MYO5B: variants seen among roughly 807,000 people sequenced by gnomAD.
MYO5B encodes myosin VB.
MYO5B carries 143 observed loss-of-function variants against 229.3 expected under a neutral mutation model. The observed-to-expected ratio is 0.62, with a 90% confidence interval of 0.54 to 0.72. The LOEUF (loss-of-function observed/expected upper bound fraction) is 0.72, where lower values mean the gene tolerates loss of function less well. MYO5B is among the 30% of genes least tolerant of loss of function. MYO5B has a pLI of 0.00. For missense variants in MYO5B, 2,321 were observed against 2,331.0 expected (o/e 1.00, Z 0.09); for synonymous variants, 918 against 885.2 (o/e 1.04, Z -0.66).
At chr18:49,917,393 T>G (rs559202795) in intron 17 of MYO5B, among the ~76,000 whole-genome samples, 65 of 151,892 alleles carry the variant, frequency 4.3e-4, no homozygotes, top group Non-Finnish European at 9.0e-4. Context: ...CCTAACACCA[T>G]GCAGCATCTT....
At chr18:49,909,826 C>T (rs1371522520) in intron 18 of MYO5B, among the ~76,000 whole-genome samples, 1 of 152,142 alleles carries the variant, frequency 6.6e-6, no homozygotes, top group Non-Finnish European at 1.5e-5. Context: ...AAAAGCATTG[C>T]AGGCAGAGGA....
At chr18:50,032,880 G>A (rs866021830) in intron 4 of MYO5B, among the ~76,000 whole-genome samples, 5 of 152,012 alleles carry the variant, frequency 3.3e-5, no homozygotes, top group South Asian at 2.1e-4. Flanking sequence ...CTAGTTACTC[G>A]GGAGGCTGAG....
intron 7 of MYO5B, among the ~76,000 whole-genome samples, chr18:49,986,525 G>A (rs796159613): frequency 1.6e-4 from 25 of 152,308 alleles, no homozygotes; most frequent in African/African-American, 5.5e-4. Flanking sequence ...AGTGGCCAAG[G>A]CACTTGAACT....
chr18:49,991,758 G>T (rs1165106264), intron 6 of MYO5B, among the ~76,000 whole-genome samples: 2 of 152,140 alleles, frequency 1.3e-5, no homozygotes, highest in African/African-American at 4.8e-5. Flanking sequence ...AACCACCATG[G>T]CATGTGTATA....
At chr18:49,866,736 T>G (rs1026777930) in intron 27 of MYO5B, among the ~76,000 whole-genome samples, 17 of 152,230 alleles carry the variant, frequency 1.1e-4, no homozygotes, top group African/African-American at 3.6e-4. Context: ...TGCTAGGTGC[T>G]GCAGGCACAA....
intron 4 of MYO5B, among the ~76,000 whole-genome samples, chr18:50,016,657 C>T (rs376829797): frequency 3.8e-4 from 58 of 152,160 alleles, no homozygotes; most frequent in African/African-American, 1.4e-3. Context: ...ATGGTGACAT[C>T]TGAGATGTAA....
intron 4 of MYO5B, among the ~76,000 whole-genome samples, chr18:50,005,179 T>C (rs569906669): frequency 2.6e-5 from 4 of 152,334 alleles, no homozygotes; most frequent in Non-Finnish European, 4.4e-5. Context: ...GCTTATCAAA[T>C]CAAGTCTAAG....
At chr18:50,012,454 T>A (rs139423329) in intron 4 of MYO5B, among the ~76,000 whole-genome samples, 109 of 152,348 alleles carry the variant, frequency 7.2e-4, no homozygotes, top group African/African-American at 2.5e-3. Context: ...AGCTATTCGC[T>A]TATGATAAAT....
chr18:50,076,511 C>T (rs1348305792), intron 1 of MYO5B, among the ~76,000 whole-genome samples: 8 of 152,160 alleles, frequency 5.3e-5, no homozygotes, highest in Non-Finnish European at 7.3e-5. Flanking sequence ...TTTCAGAGCA[C>T]GGAATATGTC....
At chr18:49,891,777 G>T (rs143093786) in intron 22 of MYO5B, among the ~76,000 whole-genome samples, 3 of 152,314 alleles carry the variant, frequency 2.0e-5, no homozygotes, top group African/African-American at 7.2e-5. Flanking sequence ...CCTCTATTTG[G>T]AGAAATCAAA....
intron 1 of MYO5B, among the ~76,000 whole-genome samples, chr18:50,159,104 GT>G (rs2144316401): frequency 6.6e-6 from 1 of 152,206 alleles, no homozygotes; most frequent in Admixed American, 6.5e-5. Flanking sequence ...AGTCAAACAG[GT>G]TTGTCCAGAG....
intron 1 of MYO5B, among the ~76,000 whole-genome samples, chr18:50,068,042 T>TAC (rs1159230770): frequency 2.2e-4 from 18 of 82,540 alleles, no homozygotes; most frequent in South Asian, 8.7e-4. Context: ...TATACACACA[T>TAC]ATACACACAC....
intron 4 of MYO5B, among the ~76,000 whole-genome samples, chr18:50,033,883 C>T (rs990005503): frequency 1.3e-5 from 2 of 151,450 alleles, no homozygotes; most frequent in Admixed American, 6.6e-5. Flanking sequence ...AACTTTCCTC[C>T]AGCACTAGCA....
intron 1 of MYO5B, among the ~76,000 whole-genome samples, chr18:50,181,741 T>C (rs2033076349): frequency 6.6e-6 from 1 of 152,198 alleles, no homozygotes; most frequent in African/African-American, 2.4e-5. Context: ...GGCATTGCCA[T>C]CATTTTGGTG....
intron 18 of MYO5B, 110 bp from the exon 19 acceptor site, chr18:49,906,740 AC>A (rs1568026161): frequency 3.2e-6 from 3 of 944,122 alleles, no homozygotes; most frequent in Non-Finnish European, 5.0e-6. Flanking sequence ...GACTTCATGC[AC>A]CCCTCTCTGT....
chr18:50,074,671 G>A (rs959540601), intron 1 of MYO5B, among the ~76,000 whole-genome samples: 33 of 152,120 alleles, frequency 2.2e-4, no homozygotes, highest in African/African-American at 6.3e-4. Flanking sequence ...AGCTTTTCCC[G>A]ACCAACTAAT....
chr18:50,112,334 C>T (rs1258237668), intron 1 of MYO5B, among the ~76,000 whole-genome samples: 1 of 152,166 alleles, frequency 6.6e-6, no homozygotes, highest in Admixed American at 6.5e-5. Context: ...AGAAACACTG[C>T]TATTAAGGAT....
chr18:50,006,875 G>A (rs940079739), intron 4 of MYO5B, among the ~76,000 whole-genome samples: 1 of 152,228 alleles, frequency 6.6e-6, no homozygotes, highest in South Asian at 2.1e-4. Context: ...TCTTGTTTGG[G>A]TTTCCTGAGG....
Position 49,880,473 on chromosome 18 carries a change from G to T in MYO5B, c.3046-18C>A. 6.3e-7 allele frequency: 1 copy of T among 1,598,932 alleles called. No homozygotes were observed. The highest frequency in any genetic ancestry group is 1.1e-5 in the South Asian group (1 of 90,740). ...GCAACTCGCTGGAAGAGAGCAATAG[G>T]GGAAAAATGTCTCATGATGCTGGGA... On this transcript the variant is annotated intron_variant, in intron 22 of 39. Transcript: ENST00000285039.
Sources: gnomAD v4.1 joint callset for allele counts (sites outside exome capture counted in the v4.1 genomes callset) on GRCh38, gnomAD v4.1.1 for gene constraint, MANE v1.5 for transcripts, NCBI Gene and HGNC (gene_info 2026-07-23, HGNC 2026-07-21) for gene names.